The following FGD6 variants were observed in gnomAD, a reference collection of about 807,000 sequenced individuals.
The protein encoded by FGD6 is FYVE, RhoGEF and PH domain containing 6.
A neutral mutation model predicts 149.4 loss-of-function variants in FGD6; 90 were observed. That is an observed-to-expected ratio of 0.60 (90% CI 0.51 to 0.72). The LOEUF is 0.72. Ranked by LOEUF, FGD6 falls within the 30% of genes least tolerant of loss-of-function variation. The probability of loss-of-function intolerance (pLI) is 0.00; values close to 1 mark genes in which losing one functional copy is unlikely to be tolerated. For missense variants in FGD6, 1,437 were observed against 1,684.8 expected (o/e 0.85, Z 2.57); for synonymous variants, 527 against 584.0 (o/e 0.90, Z 1.41).
intron 5 of FGD6, among the ~76,000 whole-genome samples, chr12:95,148,693 T>A (rs1338990706): frequency 9.4e-6 from 1 of 106,494 alleles, no homozygotes; most frequent in Non-Finnish European, 1.7e-5. Flanking sequence ...TTATATATAT[T>A]ATATATTATA....
intron 5 of FGD6, among the ~76,000 whole-genome samples, chr12:95,152,118 G>A (rs1880325926): frequency 6.6e-6 from 1 of 152,126 alleles, no homozygotes; most frequent in Non-Finnish European, 1.5e-5. Flanking sequence ...TTGAGCCCAT[G>A]AGTTTGAGAT....
intron 6 of FGD6, among the ~76,000 whole-genome samples, chr12:95,140,163 A>C (rs887565806): frequency 1.3e-5 from 2 of 152,186 alleles, no homozygotes. Context: ...TCTTATTCTA[A>C]TCATGTTGTG....
Position 95,209,324 on chromosome 12 carries a change from G to C in FGD6, c.1960C>G (p.Leu654Val). Residue 654 changes from leucine to valine, a missense_variant, in exon 2 of 21, where the codon CTC (leucine) becomes GTC (valine). Transcript: ENST00000343958. ...FQKFWSKSSQLGDTTTGHLSS... is the reference protein window; with the variant it reads ...FQKFWSKSSQVGDTTTGHLSS... ...AGGTGGCCTGTGGTGGTGTCTCCGA[G>C]TTGGCTACTCTTGGACCAAAATTTT... The C allele has an allele frequency of 6.2e-7, 1 of 1,613,574 alleles. No individual in the cohort carries two copies. The highest frequency in any genetic ancestry group is 8.5e-7 in the Non-Finnish European group (1 of 1,179,774).
intron 2 of FGD6, among the ~76,000 whole-genome samples, chr12:95,175,544 G>A (rs1881110870): frequency 6.6e-6 from 1 of 152,080 alleles, no homozygotes; most frequent in Admixed American, 6.6e-5. Flanking sequence ...CCAGGAGTTT[G>A]AGACAAGCCT....
At chr12:95,152,271 T>G (rs551064251) in intron 5 of FGD6, among the ~76,000 whole-genome samples, 8 of 152,172 alleles carry the variant, frequency 5.3e-5, no homozygotes, top group Non-Finnish European at 5.9e-5. Context: ...AAGGCTGCAG[T>G]GAGCTAAGAT....
chr12:95,153,835 G>T (rs138087502), intron 3 of FGD6, among the ~76,000 whole-genome samples: 1 of 151,726 alleles, frequency 6.6e-6, no homozygotes, highest in Non-Finnish European at 1.5e-5. Flanking sequence ...CAGGCTCTCC[G>T]AATTTCCTTA....
chr12:95,208,482 A>G (rs1261555272), intron 2 of FGD6, among the ~76,000 whole-genome samples: 1 of 152,110 alleles, frequency 6.6e-6, no homozygotes, highest in Non-Finnish European at 1.5e-5. Context: ...TCTTATACCT[A>G]GCAAATAAAT....
intron 2 of FGD6, among the ~76,000 whole-genome samples, chr12:95,206,000 CA>C (rs2056691226): frequency 6.6e-6 from 1 of 152,142 alleles, no homozygotes; most frequent in Non-Finnish European, 1.5e-5. Flanking sequence ...CTCCTTATGC[CA>C]CTGGCTGGCT....
intron 8 of FGD6, among the ~76,000 whole-genome samples, chr12:95,119,715 G>C (rs530360654): frequency 6.6e-6 from 1 of 152,160 alleles, no homozygotes; most frequent in East Asian, 1.9e-4. Context: ...CAGATCACCG[G>C]AGGTCAGGAG....
rs1015499561 is a variant in FGD6 at position 95,108,344 on chromosome 12, T to A, written c.3264+4A>T. On this transcript the variant is annotated splice_donor_region_variant and intron_variant, in intron 11 of 20. Transcript: ENST00000343958. ...GTTTGCGAAAAGCAATGTAAAATGC[T>A]TACCCGACCAGGCTGCACAATTTCA... is the stretch of plus-strand genomic sequence containing the variant. 1 of 1,613,352 alleles carries A rather than the reference T, an allele frequency of 6.2e-7. No homozygotes were observed. The highest frequency in any genetic ancestry group is 8.5e-7 in the Non-Finnish European group (1 of 1,179,746).
chr12:95,110,255 T>C (rs1445181411), intron 9 of FGD6, among the ~76,000 whole-genome samples: 3 of 151,910 alleles, frequency 2.0e-5, no homozygotes, highest in Non-Finnish European at 2.9e-5. Flanking sequence ...GGATTACAGG[T>C]GTGAGCCACC....
At chr12:95,199,356 A>T (rs893933986) in intron 2 of FGD6, among the ~76,000 whole-genome samples, 1 of 152,094 alleles carries the variant, frequency 6.6e-6, no homozygotes, top group African/African-American at 2.4e-5. Context: ...ACATATGTTA[A>T]TTTCTCACTT....
At chr12:95,104,467 C>T (rs1401282586) in intron 14 of FGD6, among the ~76,000 whole-genome samples, 1 of 151,700 alleles carries the variant, frequency 6.6e-6, no homozygotes, top group African/African-American at 2.4e-5. Flanking sequence ...GACAGAATCT[C>T]TCTCTGTCAC....
At chr12:95,110,763 G>A (rs1247050983) in intron 9 of FGD6, among the ~76,000 whole-genome samples, 1 of 152,126 alleles carries the variant, frequency 6.6e-6, no homozygotes, top group Non-Finnish European at 1.5e-5. Context: ...GTGGACAGGG[G>A]AGAGATGCCT....
intron 8 of FGD6, among the ~76,000 whole-genome samples, chr12:95,134,041 T>C (rs992454525): frequency 3.3e-5 from 5 of 152,152 alleles, no homozygotes; most frequent in African/African-American, 1.2e-4. Context: ...AGATAGACTA[T>C]TATCATAAGG....
chr12:95,087,289 TCTC>T (rs1455010964), intron 18 of FGD6, among the ~76,000 whole-genome samples: 3 of 152,122 alleles, frequency 2.0e-5, no homozygotes, highest in Admixed American at 2.0e-4. Context: ...TGCTGTACAT[TCTC>T]CTCCCCCTGA....
At chr12:95,215,726 C>A (rs1210862163) in intron 1 of FGD6, among the ~76,000 whole-genome samples, 1 of 152,202 alleles carries the variant, frequency 6.6e-6, no homozygotes, top group Admixed American at 6.5e-5. Flanking sequence ...GAATCATGAA[C>A]TTCCAGTCTG....
In FGD6 at chr12:95,077,994, T is replaced by C. The variant is rs568505705; in HGVS notation, c.*3526A>G. 2 of 152,314 alleles carry C rather than the reference T, an allele frequency of 1.3e-5. No homozygotes were observed. Among genetic ancestry groups the C allele is most frequent in the East Asian group, 3.9e-4 (2 of 5,188 alleles). The allele number at this position is 152,314 out of a possible 1,614,324, so 9.4% of individuals were successfully genotyped here. On this transcript the variant is annotated 3_prime_UTR_variant, in exon 21 of 21. Coordinates refer to ENST00000343958, the MANE Select transcript of FGD6 (RefSeq NM_018351.4). The stretch of plus-strand genomic sequence containing the variant: ...ATATTTTCAGGCTGTGTTGGAGTTG[T>C]AGATGACAAGAATCCTGTTTTCAAT...
At chr12:95,176,735 T>C (rs1361290476) in intron 2 of FGD6, among the ~76,000 whole-genome samples, 4 of 152,222 alleles carry the variant, frequency 2.6e-5, no homozygotes, top group South Asian at 2.1e-4. Context: ...ACACCTCCAC[T>C]GGAAGTATAT....
Sources: allele counts gnomAD v4.1 joint callset (sites outside exome capture counted in the v4.1 genomes callset), GRCh38; gene constraint gnomAD v4.1.1; transcripts MANE v1.5; gene names NCBI Gene and HGNC (gene_info 2026-07-23, HGNC 2026-07-21).